GRM4: variants seen among roughly 807,000 people sequenced by gnomAD.
The protein encoded by GRM4 is metabotropic glutamate receptor 4.
GRM4 carries 28 observed loss-of-function variants against 81.7 expected under a neutral mutation model. That is an observed-to-expected ratio of 0.34 (90% CI 0.25 to 0.47). GRM4 has a LOEUF of 0.47. Among genes scored for constraint, GRM4 ranks in the 20% least tolerant of loss-of-function variants. The pLI is 1.00. For missense variants in GRM4, 948 were observed against 1,290.0 expected (o/e 0.73, Z 4.06); for synonymous variants, 488 against 528.8 (o/e 0.92, Z 1.06).
intron 1 of GRM4, among the ~76,000 whole-genome samples, chr6:34,140,230 C>T (rs1380460108): frequency 2.0e-5 from 3 of 152,134 alleles, no homozygotes. Context: ...AGAGAAAGAA[C>T]AGCAAGTGCA....
At position 34,136,563 on chromosome 6, in the gene GRM4, G is replaced by GACACACACACACACACACACACACAC. The variant is rs10635207; in HGVS notation, c.-363-2730_-363-2705dup. ...GCTGAGCAGTGCATGCGCGCGTGCG[G>GACACACACACACACACACACACACAC]ACACACACACACACACACACACACA... On this transcript the variant is annotated intron_variant, in intron 1 of 10. Transcript: ENST00000538487. This position sits in a 1 kb window ranked among gnomAD's most constrained non-coding sequence, Gnocchi z 4.1. Among the ~76,000 whole-genome samples the GACACACACACACACACACACACACAC allele has an allele frequency of 1.1e-4, 16 of 142,428 alleles. No individual in the cohort carries two copies. Among genetic ancestry groups the GACACACACACACACACACACACACAC allele is most frequent in the Middle Eastern group, 3.3e-3 (1 of 300 alleles). The allele number at this position is 142,428 out of a possible 152,430, so 93.4% of individuals were successfully genotyped here.
intron 2 of GRM4, among the ~76,000 whole-genome samples, chr6:34,098,056 G>A (rs1445683900): frequency 6.6e-6 from 1 of 152,190 alleles, no homozygotes; most frequent in Non-Finnish European, 1.5e-5. Flanking sequence ...CTATCCAACT[G>A]TGCAACCTTA....
intron 8 of GRM4, among the ~76,000 whole-genome samples, chr6:34,037,861 C>CAAAA (rs34369343): frequency 8.6e-6 from 1 of 116,172 alleles, no homozygotes. Flanking sequence ...GATTCCGTCT[C>CAAAA]AAAAAAAAAA....
intron 1 of GRM4, among the ~76,000 whole-genome samples, chr6:34,153,473 T>G (rs1771086966): frequency 6.6e-6 from 1 of 152,252 alleles, no homozygotes; most frequent in Non-Finnish European, 1.5e-5. Flanking sequence ...TTGACAAAAC[T>G]GAATTGCCTG....
chr6:34,029,341 C>A lies in GRM4; in HGVS notation c.2443-975G>T, dbSNP rs1024374605. Among the ~76,000 whole-genome samples, 3 of 152,148 alleles carry A rather than the reference C, an allele frequency of 2.0e-5. No homozygotes were observed. The East Asian group carries it at 5.8e-4, about 29-fold the overall frequency. On this transcript the variant is annotated intron_variant, in intron 9 of 10. Coordinates refer to ENST00000538487, the MANE Select transcript of GRM4 (RefSeq NM_000841.4). ...CTCTCCTGACCCCCAGCTCTATGGG[C>A]CCCCATGATACCCTTCATTTCTTCT...
At chr6:34,101,964 C>A (rs1768863467) in intron 2 of GRM4, 1 of 1,513,306 alleles carries the variant, frequency 6.6e-7, no homozygotes, top group Non-Finnish European at 8.9e-7. Flanking sequence ...GACGTGTGGA[C>A]CTCCACTGCC....
chr6:34,095,964 C>A (rs1768497320), intron 2 of GRM4, among the ~76,000 whole-genome samples: 1 of 152,190 alleles, frequency 6.6e-6, no homozygotes, highest in Non-Finnish European at 1.5e-5. Context: ...GCAGCCCAGC[C>A]CGAGCAGGAG....
intron 3 of GRM4, among the ~76,000 whole-genome samples, chr6:34,076,034 C>A (rs971581338): frequency 2.0e-5 from 3 of 152,358 alleles, no homozygotes; most frequent in Admixed American, 1.3e-4. Context: ...CAGCTCCACT[C>A]CATGGCAGGA....
At chr6:34,049,368 T>C (rs903711874) in intron 6 of GRM4, among the ~76,000 whole-genome samples, 21 of 152,110 alleles carry the variant, frequency 1.4e-4, no homozygotes, top group African/African-American at 4.3e-4. Context: ...TGGGCCCTGC[T>C]GCCTCCCAGG....
In GRM4 at chr6:34,069,188, AC is replaced by A. The variant is rs1766656367; in HGVS notation, c.737-7161del. Among the ~76,000 whole-genome samples the A allele has an allele frequency of 6.8e-6, 1 of 146,320 alleles. No homozygotes were observed. The highest frequency in any genetic ancestry group is 1.5e-5 in the Non-Finnish European group (1 of 67,448). On this transcript the variant is annotated intron_variant, in intron 3 of 10. Transcript: ENST00000538487. This position sits in a 1 kb window ranked among gnomAD's most constrained non-coding sequence, Gnocchi z 6.4. ...CGTATACACACACACACACACACACACACACACACACACACACGCACGCACA... is the reference window on the plus strand; with the variant it reads ...CGTATACACACACACACACACACACAACACACACACACACACGCACGCACA...
chr6:34,062,353 T>C, intron 3 of GRM4: 2 of 277,208 alleles, frequency 7.2e-6, no homozygotes, highest in Non-Finnish European at 1.4e-5. Context: ...CTCTGCCACT[T>C]ACTGCTGTGT....
chr6:34,044,049 G>T (rs537162522), intron 6 of GRM4, among the ~76,000 whole-genome samples: 36 of 145,876 alleles, frequency 2.5e-4, no homozygotes, highest in African/African-American at 8.2e-4. Flanking sequence ...CACACACATA[G>T]ACATACATAC....
intron 10 of GRM4, among the ~76,000 whole-genome samples, chr6:34,027,850 C>T (rs1039010217): frequency 5.3e-5 from 8 of 152,346 alleles, no homozygotes; most frequent in Non-Finnish European, 8.8e-5. Context: ...TGGAAGGGCG[C>T]TGCTAGGGCA....
At chr6:34,108,035 G>A (rs1236152228) in intron 2 of GRM4, among the ~76,000 whole-genome samples, 3 of 152,208 alleles carry the variant, frequency 2.0e-5, no homozygotes, top group Non-Finnish European at 4.4e-5. Context: ...ATTCCTTCAA[G>A]AAAACAGGGC....
intron 8 of GRM4, among the ~76,000 whole-genome samples, chr6:34,038,122 G>C (rs1436714663): frequency 6.6e-6 from 1 of 152,326 alleles, no homozygotes; most frequent in African/African-American, 2.4e-5. Flanking sequence ...GAGGACACGG[G>C]GCGATGGTGA....
chr6:34,076,542 C>G (rs1284545100), intron 3 of GRM4, among the ~76,000 whole-genome samples: 3 of 152,240 alleles, frequency 2.0e-5, no homozygotes, highest in Non-Finnish European at 4.4e-5. Context: ...GCTGCTGGCC[C>G]ACACCGGGGA....
At chr6:34,065,719 C>T (rs1766425618) in intron 3 of GRM4, among the ~76,000 whole-genome samples, 1 of 152,204 alleles carries the variant, frequency 6.6e-6, no homozygotes, top group Admixed American at 6.5e-5. Context: ...CGGCCAGGGG[C>T]AGGAAGCCAC....
chr6:34,029,627 C>T (rs1444058821), intron 9 of GRM4, among the ~76,000 whole-genome samples: 1 of 152,212 alleles, frequency 6.6e-6, no homozygotes, highest in Non-Finnish European at 1.5e-5. Context: ...TCCTGCCCTT[C>T]TGTGGGCCTC....
chr6:34,100,457 T>C (rs1372202164), intron 2 of GRM4, among the ~76,000 whole-genome samples: 3 of 152,332 alleles, frequency 2.0e-5, no homozygotes, highest in South Asian at 2.1e-4. Context: ...ACGAGGCCCA[T>C]GGGGTCCCTT....
Sources: gnomAD v4.1 joint callset for allele counts (sites outside exome capture counted in the v4.1 genomes callset) on GRCh38, gnomAD v4.1.1 for gene constraint, Gnocchi (gnomAD v3.1) non-coding constraint, MANE v1.5 for transcripts, NCBI Gene and HGNC (gene_info 2026-07-23, HGNC 2026-07-21) for gene names.